The following PECR variants were observed in gnomAD, a reference collection of about 807,000 sequenced individuals.
PECR encodes the protein peroxisomal trans-2-enoyl-CoA reductase.
A neutral mutation model predicts 35.3 loss-of-function variants in PECR; 30 were observed. The ratio of observed to expected loss-of-function variants is 0.85; its 90% CI spans 0.64 to 1.15. The LOEUF (loss-of-function observed/expected upper bound fraction) is 1.15, where lower values mean the gene tolerates loss of function less well. Among genes scored for constraint, PECR ranks in the 50% most tolerant of loss-of-function variants. The pLI is 0.00. For synonymous variants in PECR, 148 were observed against 138.9 expected (o/e 1.07, Z -0.46); for missense variants, 392 against 370.8 (o/e 1.06, Z -0.47).
chr2:216,039,120 T>C lies in PECR; in HGVS notation c.*155A>G. Reference sequence around the variant, plus strand: ...ACTCTGATTGGGACATAAGACTGTATATATTTCAGGAATAGTTTTTCCATA... The same window carrying C: ...ACTCTGATTGGGACATAAGACTGTACATATTTCAGGAATAGTTTTTCCATA... On this transcript the variant is annotated 3_prime_UTR_variant, in exon 8 of 8. Coordinates refer to ENST00000265322, the MANE Select transcript of PECR (RefSeq NM_018441.6). 3 of 622,592 alleles carry C rather than the reference T, an allele frequency of 4.8e-6. No individual in the cohort carries two copies. The highest frequency in any genetic ancestry group is 5.8e-6 in the Non-Finnish European group (2 of 344,762). The allele number at this position is 622,592 out of a possible 1,614,324, so 38.6% of individuals were successfully genotyped here. A position where few individuals can be genotyped will look rare whatever the true frequency, so the allele number is the denominator to read the frequency against.
intron 1 of PECR, among the ~76,000 whole-genome samples, chr2:216,076,615 C>G (rs556367246): frequency 1.4e-4 from 21 of 152,182 alleles, no homozygotes; most frequent in Admixed American, 1.0e-3. Context: ...GCCTGGCCAA[C>G]ATAGTAAAAC....
At chr2:216,045,975 C>T (rs1694980446) in intron 6 of PECR, among the ~76,000 whole-genome samples, 1 of 152,016 alleles carries the variant, frequency 6.6e-6, no homozygotes, top group Non-Finnish European at 1.5e-5. Context: ...GCCAGGAATT[C>T]GAACCAGCAT....
At position 216,065,301 on chromosome 2, in the gene PECR, A is replaced by T. The variant is rs776813660; in HGVS notation, c.424+11T>A. ...AAGACATGTTGACTTGTGGATACTG[A>T]TGGTACTTGCCTGCTTTGCACATGT... On this transcript the variant is annotated intron_variant, in intron 3 of 7. Transcript: ENST00000265322. The T allele has an allele frequency of 1.3e-6, 2 of 1,588,648 alleles. No individual in the cohort carries two copies. Among genetic ancestry groups the T allele is most frequent in the African/African-American group, 2.7e-5 (2 of 74,428 alleles).
intron 3 of PECR, among the ~76,000 whole-genome samples, chr2:216,061,120 C>T (rs896553742): frequency 2.4e-5 from 3 of 126,326 alleles, no homozygotes; most frequent in East Asian, 4.5e-4. Flanking sequence ...GGGGAGACCC[C>T]GGCTCTACCA....
rs923881328 is a variant in PECR at position 216,049,298 on chromosome 2, T to C, written c.679A>G (p.Lys227Glu). The C allele has an allele frequency of 1.9e-6, 3 of 1,600,198 alleles. No homozygotes were observed. The Admixed American group carries it at 5.0e-5, about 27-fold the overall frequency. ...GQSFFEGSFQ[K>E]IPAKRIGVPE... Reference sequence around the variant, plus strand: ...ACACCAATTCGTTTAGCGGGGATTTTCTGAAAAGACCCTTCAAAGAAGCTT... The same window carrying C: ...ACACCAATTCGTTTAGCGGGGATTTCCTGAAAAGACCCTTCAAAGAAGCTT... The change falls in exon 6 of 8, where the codon AAA becomes GAA. Residue 227 changes from lysine (K) to glutamate (E), a missense_variant. By Grantham distance (56) the Lys-to-Glu change is moderately conservative (BLOSUM62 1). Coordinates refer to ENST00000265322, the MANE Select transcript of PECR (RefSeq NM_018441.6).
intron 3 of PECR, among the ~76,000 whole-genome samples, chr2:216,063,370 A>G (rs1406990758): frequency 1.3e-5 from 2 of 152,222 alleles, no homozygotes; most frequent in Admixed American, 1.3e-4. Context: ...CTGTAATCCC[A>G]GCATTTTGGG....
downstream of PECR, among the ~76,000 whole-genome samples, chr2:216,034,397 T>TGTC (rs1694761172): frequency 6.6e-6 from 1 of 152,246 alleles, no homozygotes; most frequent in African/African-American, 2.4e-5. Context: ...ACAGCCCTGC[T>TGTC]GTCCATCTAG....
intron 1 of PECR, among the ~76,000 whole-genome samples, chr2:216,066,913 G>T (rs906804514): frequency 5.9e-5 from 9 of 152,100 alleles, no homozygotes; most frequent in Non-Finnish European, 1.3e-4. Context: ...GGACAAGATG[G>T]AGTAGTAGAA....
intron 3 of PECR, among the ~76,000 whole-genome samples, chr2:216,059,543 T>G (rs1695294057): frequency 6.6e-6 from 1 of 152,238 alleles, no homozygotes; most frequent in Admixed American, 6.5e-5. Flanking sequence ...TGAATACAAA[T>G]CTTTGTGTGG....
At position 216,066,437 on chromosome 2, in the gene PECR, G is replaced by T. The variant is rs763611417; in HGVS notation, c.206C>A (p.Thr69Lys). ...TATGGGAATGACTCGTGCCTGCTTTGTGGGAGGTAGGTTGGCCTGCAGTTC... is the reference window on the plus strand; with the variant it reads ...TATGGGAATGACTCGTGCCTGCTTTTTGGGAGGTAGGTTGGCCTGCAGTTC... ...ADELQANLPP[T>K]KQARVIPIQC... The change falls in exon 2 of 8, where the codon ACA (threonine) becomes AAA (lysine). Residue 69 changes from threonine to lysine, a missense_variant. Coordinates refer to ENST00000265322, the MANE Select transcript of PECR (RefSeq NM_018441.6). The T allele has an allele frequency of 6.2e-7, 1 of 1,613,534 alleles. No homozygotes were observed. The highest frequency in any genetic ancestry group is 1.7e-5 in the Admixed American group (1 of 60,026).
At chr2:216,047,135 G>C (rs1319277951) in intron 6 of PECR, among the ~76,000 whole-genome samples, 1 of 152,076 alleles carries the variant, frequency 6.6e-6, no homozygotes. Context: ...GCGCATGCCT[G>C]TAATCCCAGC....
intron 1 of PECR, among the ~76,000 whole-genome samples, chr2:216,070,159 C>G (rs1336801120): frequency 6.6e-6 from 1 of 152,118 alleles, no homozygotes; most frequent in East Asian, 1.9e-4. Context: ...ATTTTCAATA[C>G]TGAGGTTTTT....
intron 6 of PECR, among the ~76,000 whole-genome samples, chr2:216,046,581 G>T (rs1695002283): frequency 6.6e-6 from 1 of 151,946 alleles, no homozygotes; most frequent in Non-Finnish European, 1.5e-5. Context: ...AAAGTGTTGG[G>T]ATTACAGGTG....
intron 1 of PECR, among the ~76,000 whole-genome samples, chr2:216,068,651 T>C (rs995428400): frequency 1.3e-5 from 2 of 152,116 alleles, no homozygotes; most frequent in African/African-American, 4.8e-5. Flanking sequence ...TTCGTGTGTT[T>C]GTTTTTGAGA....
Position 216,066,465 on chromosome 2 carries a change from C to G in PECR, c.178G>C (p.Asp60His). 2 of 1,613,806 alleles carry G rather than the reference C, an allele frequency of 1.2e-6. No homozygotes were observed. The highest frequency in any genetic ancestry group is 1.7e-6 in the Non-Finnish European group (2 of 1,179,650). Residue 60 changes from aspartate (D) to histidine (H), a missense_variant, in exon 2 of 8, where the codon GAT becomes CAT. Transcript: ENST00000265322. ...RKLERLKSAA[D>H]ELQANLPPTK... is the part of the protein sequence containing the mutation. The stretch of plus-strand genomic sequence containing the variant: ...GGAGGTAGGTTGGCCTGCAGTTCAT[C>G]TGCCGCAGACTTCAATCTCTCCAAC...
At chr2:216,069,501 C>T (rs933748542) in intron 1 of PECR, among the ~76,000 whole-genome samples, 2 of 152,098 alleles carry the variant, frequency 1.3e-5, no homozygotes, top group African/African-American at 2.4e-5. Flanking sequence ...AAGGGGAATG[C>T]GTGACACTGC....
chr2:216,058,042 A>T (rs531903399), intron 4 of PECR: 1 of 152,356 alleles, frequency 6.6e-6, no homozygotes, highest in East Asian at 1.9e-4. Context: ...CAAAACCAAA[A>T]GGAGAGGCAG....
intron 6 of PECR, among the ~76,000 whole-genome samples, chr2:216,046,312 T>TA (rs1559209240): frequency 0.14 from 9,678 of 69,842 alleles, 241 homozygotes; most frequent in East Asian, 0.24. Context: ...ATATATATAT[T>TA]TTTTTTTTTT....
intron 4 of PECR, among the ~76,000 whole-genome samples, chr2:216,055,449 A>C (rs1418471425): frequency 3.7e-5 from 5 of 134,174 alleles, no homozygotes; most frequent in African/African-American, 5.6e-5. Context: ...AAAAAAAAAA[A>C]CAAAAAAACA....
Sources: gnomAD v4.1 joint callset for allele counts (sites outside exome capture counted in the v4.1 genomes callset) on GRCh38, gnomAD v4.1.1 for gene constraint, MANE v1.5 for transcripts, NCBI Gene and HGNC (gene_info 2026-07-23, HGNC 2026-07-21) for gene names.